Variants in SPECC1L observed in about 807,000 individuals in gnomAD.
SPECC1L encodes cytospin-A.
A neutral mutation model predicts 116.8 loss-of-function variants in SPECC1L; 40 were observed. The ratio of observed to expected loss-of-function variants is 0.34; its 90% CI spans 0.27 to 0.45. The LOEUF is 0.45. SPECC1L is among the 20% of genes least tolerant of loss of function. The pLI, the probability that SPECC1L is intolerant of heterozygous loss-of-function variation, is 1.00. For missense variants in SPECC1L, 1,110 were observed against 1,373.6 expected (o/e 0.81, Z 3.03); for synonymous variants, 504 against 500.6 (o/e 1.01, Z -0.09).
chr22:24,283,997 G>T (rs1428782681), intron 2 of SPECC1L, among the ~76,000 whole-genome samples: 1 of 152,132 alleles, frequency 6.6e-6, no homozygotes, highest in South Asian at 2.1e-4. Flanking sequence ...TTTTATGAGT[G>T]TGGCTAGAGG....
Position 24,414,829 on chromosome 22 carries a change from C to A in SPECC1L, c.*206C>A. 1.7e-6 allele frequency: 1 copy of A among 596,966 alleles called. No homozygotes were observed. The highest frequency in any genetic ancestry group is 1.9e-5 in the South Asian group (1 of 53,580). The allele number at this position is 596,966 out of a possible 1,614,324, so 37.0% of individuals were successfully genotyped here. On this transcript the variant is annotated 3_prime_UTR_variant, in exon 17 of 17. Transcript: ENST00000314328. ...CCACCAGGGCCCCTCCCACATGACC[C>A]GTCCATTCAGGTCATGTGGGCTCAG...
intron 11 of SPECC1L, among the ~76,000 whole-genome samples, chr22:24,355,561 C>T (rs988149509): frequency 9.9e-5 from 15 of 152,252 alleles, no homozygotes; most frequent in Non-Finnish European, 2.1e-4. Context: ...TGACTCCAAG[C>T]CATCACCAAT....
rs907320409 is a variant in SPECC1L at position 24,415,957 on chromosome 22, C to T, written c.*1334C>T. ...GGTTTGAACAATGTCCAGACAAGACCTGTACCTTTGAGAATATAACTGTGT... is the reference window on the plus strand; with the variant it reads ...GGTTTGAACAATGTCCAGACAAGACTTGTACCTTTGAGAATATAACTGTGT... On this transcript the variant is annotated 3_prime_UTR_variant, in exon 17 of 17. Coordinates refer to ENST00000314328, the MANE Select transcript of SPECC1L (RefSeq NM_015330.6). The T allele has an allele frequency of 1.3e-5, 2 of 152,266 alleles. No homozygotes were observed. The highest frequency in any genetic ancestry group is 4.8e-5 in the African/African-American group (2 of 41,462). 9.4% of individuals were successfully genotyped at this position (152,266 alleles called of 1,614,324 possible). A position where few individuals can be genotyped will look rare whatever the true frequency, so the allele number is the denominator to read the frequency against.
intron 11 of SPECC1L, among the ~76,000 whole-genome samples, chr22:24,361,986 T>C (rs2041654696): frequency 1.3e-5 from 2 of 152,234 alleles, no homozygotes; most frequent in Admixed American, 1.3e-4. Flanking sequence ...CATCATTATA[T>C]TTTTAGGAGG....
chr22:24,360,046 C>T (rs2041612884), intron 11 of SPECC1L, among the ~76,000 whole-genome samples: 2 of 152,310 alleles, frequency 1.3e-5, no homozygotes, highest in East Asian at 1.9e-4. Context: ...AAGCCAAGTG[C>T]CTGGCAAGTA....
At chr22:24,358,374 A>G (rs143714184) in intron 11 of SPECC1L, among the ~76,000 whole-genome samples, 14 of 152,082 alleles carry the variant, frequency 9.2e-5, no homozygotes, top group African/African-American at 3.4e-4. Context: ...TTCCTAGACT[A>G]TTGGGATTAC....
At chr22:24,338,946 CTT>C (rs1454050885) in intron 10 of SPECC1L, among the ~76,000 whole-genome samples, 1 of 152,212 alleles carries the variant, frequency 6.6e-6, no homozygotes, top group Non-Finnish European at 1.5e-5. Context: ...AAAGGTGTCT[CTT>C]GAGTAGAATA....
chr22:24,390,867 C>CTTTTTTTTTTTTTTTTTTTTTTTTTT (rs1556306072), intron 14 of SPECC1L, among the ~76,000 whole-genome samples: 44 of 47,588 alleles, frequency 9.2e-4, no homozygotes, highest in Admixed American at 1.4e-3. Context: ...TTTTTTTTTT[C>CTTTTTTTTTTTTTTTTTTTTTTTTTT]TTTTCTTTTT....
chr22:24,306,812 C>T (rs965473866), intron 3 of SPECC1L, among the ~76,000 whole-genome samples: 1 of 152,104 alleles, frequency 6.6e-6, no homozygotes, highest in South Asian at 2.1e-4. Flanking sequence ...CTCCACATTC[C>T]CTCTTCTCTC....
chr22:24,376,785 C>T (rs1448290793), intron 14 of SPECC1L, among the ~76,000 whole-genome samples: 2 of 151,612 alleles, frequency 1.3e-5, no homozygotes, highest in Non-Finnish European at 2.9e-5. Context: ...ACTGAAACCT[C>T]AAGCATAAGT....
chr22:24,317,144 CTA>C, intron 4 of SPECC1L, among the ~76,000 whole-genome samples: 1 of 104,598 alleles, frequency 9.6e-6, no homozygotes, highest in African/African-American at 3.6e-5. Flanking sequence ...GCTGACCCCC[CTA>C]CCTCCCTCCC....
intron 13 of SPECC1L, among the ~76,000 whole-genome samples, chr22:24,368,973 C>G (rs895258769): frequency 3.3e-5 from 5 of 152,166 alleles, no homozygotes; most frequent in Non-Finnish European, 5.9e-5. Flanking sequence ...GCACTTTGTA[C>G]TGTCTTTGCC....
chr22:24,381,043 C>G (rs572712701), intron 14 of SPECC1L, among the ~76,000 whole-genome samples: 44 of 152,142 alleles, frequency 2.9e-4, no homozygotes, highest in Non-Finnish European at 4.4e-4. Flanking sequence ...TTTTTTTAGC[C>G]GTTGTCTTTA....
intron 6 of SPECC1L, 105 bp downstream of exon 6, chr22:24,324,532 T>G: frequency 9.6e-7 from 1 of 1,045,062 alleles, no homozygotes; most frequent in Non-Finnish European, 1.4e-6. Flanking sequence ...GGCTCATGCC[T>G]GTAATTCCAG....
chr22:24,328,429 CT>C (rs1314705284), intron 6 of SPECC1L, among the ~76,000 whole-genome samples: 1 of 152,148 alleles, frequency 6.6e-6, no homozygotes, highest in African/African-American at 2.4e-5. Flanking sequence ...TACTAATTCA[CT>C]TCTTTTCTGG....
intron 14 of SPECC1L, among the ~76,000 whole-genome samples, chr22:24,380,973 A>T (rs1244002631): frequency 6.6e-6 from 1 of 152,224 alleles, no homozygotes; most frequent in South Asian, 2.1e-4. Flanking sequence ...AGAAGTGGTA[A>T]TCCAGTTCCC....
At chr22:24,365,405 GAAAAA>G in intron 12 of SPECC1L, 66 bp from the exon 13 acceptor site, 3 of 1,384,044 alleles carry the variant, frequency 2.2e-6, no homozygotes, top group Non-Finnish European at 3.0e-6. Context: ...GGAATCTTCA[GAAAAA>G]AAAAATCTCA....
Position 24,330,556 on chromosome 22 carries a change from G to T in SPECC1L, c.2396+125G>T. The T allele has an allele frequency of 2.9e-6, 3 of 1,036,770 alleles. No homozygotes were observed. In the East Asian group the frequency reaches 7.6e-5, roughly 26 times the overall value. The allele number at this position is 1,036,770 out of a possible 1,614,324, so 64.2% of individuals were successfully genotyped here. A position where few individuals can be genotyped will look rare whatever the true frequency, so the allele number is the denominator to read the frequency against. On this transcript the variant is annotated intron_variant, in intron 8 of 16. Coordinates refer to ENST00000314328, the MANE Select transcript of SPECC1L (RefSeq NM_015330.6). ...CTTACTGAGTTTGGATCTGATGGAAGTTACTCAGCTTTTCTGGGCCTCATT... is the reference window on the plus strand; with the variant it reads ...CTTACTGAGTTTGGATCTGATGGAATTTACTCAGCTTTTCTGGGCCTCATT...
At chr22:24,403,873 G>A (rs542192335) in intron 14 of SPECC1L, among the ~76,000 whole-genome samples, 50 of 152,312 alleles carry the variant, frequency 3.3e-4, no homozygotes, top group African/African-American at 1.2e-3. Flanking sequence ...CCAGCTACTT[G>A]AGCAGCTGAG....
Sources: gnomAD v4.1 joint callset for allele counts (sites outside exome capture counted in the v4.1 genomes callset) on GRCh38, gnomAD v4.1.1 for gene constraint, MANE v1.5 for transcripts, NCBI Gene and HGNC (gene_info 2026-07-23, HGNC 2026-07-21) for gene names.